The following LGMN variants were observed in gnomAD, a reference collection of about 807,000 sequenced individuals.
The protein encoded by LGMN is legumain.
Under a neutral mutation model 56.8 loss-of-function variants are expected in LGMN, and 36 were observed. The ratio of observed to expected loss-of-function variants is 0.63; its 90% CI spans 0.49 to 0.84. The LOEUF (loss-of-function observed/expected upper bound fraction) is 0.84, where lower values mean the gene tolerates loss of function less well. Among genes scored for constraint, LGMN ranks in the 40% least tolerant of loss-of-function variants. LGMN has a pLI of 0.00. For synonymous variants in LGMN, 199 were observed against 210.1 expected (o/e 0.95, Z 0.46); for missense variants, 446 against 556.1 (o/e 0.80, Z 1.99).
At chr14:92,734,750 A>C (rs941288256) in intron 1 of LGMN, among the ~76,000 whole-genome samples, 9 of 152,236 alleles carry the variant, frequency 5.9e-5, no homozygotes, top group African/African-American at 2.2e-4. Flanking sequence ...AAACAGCACC[A>C]AGCCTGTGCC....
Position 92,704,231 on chromosome 14 carries a change from G to T in LGMN, c.*88C>A. The T allele has an allele frequency of 6.3e-7, 1 of 1,575,868 alleles. No homozygotes were observed. The highest frequency in any genetic ancestry group is 8.7e-7 in the Non-Finnish European group (1 of 1,145,336). ...GCTCCCCAGGAGGGCCCGAGCAGCGGAGACTTCTCACTCCACCTCTCCAGT... is the reference window on the plus strand; with the variant it reads ...GCTCCCCAGGAGGGCCCGAGCAGCGTAGACTTCTCACTCCACCTCTCCAGT... On this transcript the variant is annotated 3_prime_UTR_variant, in exon 14 of 14. Transcript: ENST00000334869.
chr14:92,728,487 A>G (rs778074580), intron 2 of LGMN, among the ~76,000 whole-genome samples: 2 of 152,230 alleles, frequency 1.3e-5, no homozygotes, highest in Non-Finnish European at 2.9e-5. Context: ...GTATCTAAAC[A>G]TAGGAAAAGT....
chr14:92,739,490 G>A (rs142626530), intron 1 of LGMN, among the ~76,000 whole-genome samples: 6 of 152,048 alleles, frequency 3.9e-5, no homozygotes, highest in African/African-American at 7.2e-5. Flanking sequence ...CAACAAACAC[G>A]GACTGAGCAC....
At chr14:92,712,044 G>T in intron 8 of LGMN, 89 bp from the exon 9 acceptor site, 1 of 1,003,130 alleles carries the variant, frequency 1.0e-6, no homozygotes, top group Middle Eastern at 2.8e-4. Flanking sequence ...CTCCCCCGGT[G>T]AAATCGAAGC....
chr14:92,718,907 G>A, intron 2 of LGMN, 63 bp from the exon 3 acceptor site: 1 of 1,086,102 alleles, frequency 9.2e-7, no homozygotes, highest in Non-Finnish European at 1.4e-6. Context: ...GGAGTTCTAA[G>A]GAGTGATGTG....
In LGMN at chr14:92,713,813, G is replaced by C; in HGVS notation, c.543+10C>G. 1.2e-6 allele frequency: 2 copies of C among 1,605,964 alleles called. No homozygotes were observed. Among genetic ancestry groups the C allele is most frequent in the Non-Finnish European group, 1.7e-6 (2 of 1,172,620 alleles). On this transcript the variant is annotated intron_variant, in intron 7 of 13. Coordinates refer to ENST00000334869, the MANE Select transcript of LGMN (RefSeq NM_005606.7). ...CCGCCCCCACAAGGCTGCCCCAAGG[G>C]CTGAATTACCTTTCGGTACATTTTG...
rs1182539427 is a variant in LGMN, at chr14:92,712,074, C to G, written c.611-119G>C. The G allele has an allele frequency of 5.3e-6, 4 of 756,700 alleles. No homozygotes were observed. The African/African-American group carries it at 6.9e-5, about 13-fold the overall frequency. 46.9% of individuals were successfully genotyped at this position (756,700 alleles called of 1,614,324 possible). On this transcript the variant is annotated intron_variant, in intron 8 of 13. Coordinates refer to ENST00000334869, the MANE Select transcript of LGMN (RefSeq NM_005606.7). ...CGAAGCATGCTACTTATGATCCACA[C>G]AGGAGGGCAGGGACACGTAACTATA...
At chr14:92,738,423 C>T (rs1337135756) in intron 1 of LGMN, among the ~76,000 whole-genome samples, 4 of 151,626 alleles carry the variant, frequency 2.6e-5, no homozygotes, top group African/African-American at 7.3e-5. Flanking sequence ...GGACTACAGG[C>T]GCCACCACCA....
rs368528762 is a variant in LGMN, at chr14:92,730,263, T to C, written c.138+2386A>G. On this transcript the variant is annotated intron_variant, in intron 2 of 13. Transcript: ENST00000334869. ...AGTATTAAAGGGAGAAGGGATCATT[T>C]TGCCATGATAACAACTTTTTAATCA... Among the ~76,000 whole-genome samples, 21 of 152,308 alleles carry C rather than the reference T, an allele frequency of 1.4e-4. No homozygotes were observed. The South Asian group carries it at 3.7e-3, about 27-fold the overall frequency.
rs1404528983 is a variant in LGMN at position 92,732,791 on chromosome 14, C to T, written c.-5G>A. 1.2e-6 allele frequency: 2 copies of T among 1,612,296 alleles called. No homozygotes were observed. The highest frequency in any genetic ancestry group is 1.7e-5 in the Admixed American group (1 of 59,456). ...TACAGCTACTTTCCAAACCATTCTG[C>T]ACCTTGGAGTTCAATTGCAGACACC... On this transcript the variant is annotated 5_prime_UTR_variant, in exon 2 of 14. Transcript: ENST00000334869.
At chr14:92,719,102 G>A (rs1246912660) in intron 2 of LGMN, among the ~76,000 whole-genome samples, 2 of 151,300 alleles carry the variant, frequency 1.3e-5, no homozygotes, top group Non-Finnish European at 3.0e-5. Flanking sequence ...GTGAGCACAC[G>A]TGCACATACA....
intron 1 of LGMN, among the ~76,000 whole-genome samples, chr14:92,747,306 C>G (rs1190082088): frequency 6.6e-6 from 1 of 152,002 alleles, no homozygotes; most frequent in East Asian, 1.9e-4. Flanking sequence ...GTCTGGCCAA[C>G]ATGGTGAAAC....
chr14:92,740,969 T>C (rs1460924312), intron 1 of LGMN: 1 of 152,168 alleles, frequency 6.6e-6, no homozygotes, highest in Admixed American at 6.6e-5. Context: ...GGTTGATCAC[T>C]TGACGCCAGG....
intron 7 of LGMN, 30 bp from the exon 8 acceptor site, chr14:92,712,901 C>T (rs1724999081): frequency 6.2e-7 from 1 of 1,605,714 alleles, no homozygotes; most frequent in African/African-American, 1.3e-5. Flanking sequence ...GGTGAGCTCA[C>T]CCCATCCAGG....
Position 92,712,868 on chromosome 14 carries a change from C to T in LGMN, c.547G>A (p.Val183Met). The change falls in exon 8 of 14, where the codon GTG (valine) becomes ATG (methionine). Residue 183 changes from valine (V) to methionine (M), a missense_variant. Transcript: ENST00000334869. ...MYKHKMYRKMVFYIEACESGS... is the reference protein window; with the variant it reads ...MYKHKMYRKMMFYIEACESGS... ...GACTCACAGGCTTCAATGTAGAACA[C>T]CATCTGTGAGGCAGACGGGGCAGGT... 6.2e-7 allele frequency: 1 copy of T among 1,613,776 alleles called. No homozygotes were observed. Among genetic ancestry groups the T allele is most frequent in the South Asian group, 1.1e-5 (1 of 90,986 alleles).
At chr14:92,724,026 G>A (rs941640112) in intron 2 of LGMN, among the ~76,000 whole-genome samples, 4 of 152,098 alleles carry the variant, frequency 2.6e-5, no homozygotes, top group South Asian at 2.1e-4. Flanking sequence ...GCCACCACCC[G>A]GCCTGCCCAA....
chr14:92,707,994 A>T (rs1417040236), intron 11 of LGMN, among the ~76,000 whole-genome samples: 1 of 152,120 alleles, frequency 6.6e-6, no homozygotes, highest in Non-Finnish European at 1.5e-5. Context: ...TCTACTAAAA[A>T]TACAAAATTA....
At chr14:92,718,915 G>A in intron 2 of LGMN, 71 bp from the exon 3 acceptor site, 1 of 984,182 alleles carries the variant, frequency 1.0e-6, no homozygotes, top group South Asian at 1.3e-5. Flanking sequence ...AAGGAGTGAT[G>A]TGTTCTGTCT....
intron 6 of LGMN, 61 bp from the exon 7 acceptor site, chr14:92,713,946 A>T: frequency 2.4e-6 from 3 of 1,259,286 alleles, no homozygotes; most frequent in Non-Finnish European, 3.5e-6. Flanking sequence ...TGGATAAGCC[A>T]CTAGTAAAGT....
Sources: gnomAD v4.1 joint callset for allele counts (sites outside exome capture counted in the v4.1 genomes callset) on GRCh38, gnomAD v4.1.1 for gene constraint, MANE v1.5 for transcripts, NCBI Gene and HGNC (gene_info 2026-07-23, HGNC 2026-07-21) for gene names.